The following SSBP1 variants were observed in gnomAD, a reference collection of about 807,000 sequenced individuals.
The protein encoded by SSBP1 is single stranded DNA binding protein 1, also known as single-stranded DNA-binding protein, mitochondrial.
SSBP1 carries 20 observed loss-of-function variants against 27.0 expected under a neutral mutation model. The ratio of observed to expected loss-of-function variants is 0.74; its 90% CI spans 0.52 to 1.08. SSBP1 has a LOEUF of 1.08. Ranked by LOEUF, SSBP1 falls within the 50% of genes least tolerant of loss-of-function variation. The pLI is 0.00. For missense variants in SSBP1, 137 were observed against 182.4 expected, an observed-to-expected ratio of 0.75 and a Z score of 1.44; for synonymous variants, 59 against 59.3, an observed-to-expected ratio of 1.00 and a Z score of 0.02.
intron 3 of SSBP1, among the ~76,000 whole-genome samples, chr7:141,743,271 G>A (rs1366918391): frequency 3.9e-5 from 6 of 152,192 alleles, no homozygotes; most frequent in African/African-American, 9.7e-5. Flanking sequence ...TCCAAGATTC[G>A]TGTGCCAGTA....
rs192579092 is a variant in SSBP1 at position 141,745,687 on chromosome 7, T to C, written c.403+103T>C. 215 of 1,510,358 alleles carry C rather than the reference T, an allele frequency of 1.4e-4. 1 individual carries two copies. In the South Asian group the frequency reaches 2.5e-3, roughly 17 times the overall value. The allele number at this position is 1,510,358 out of a possible 1,614,324, so 93.6% of individuals were successfully genotyped here. The stretch of plus-strand genomic sequence containing the variant: ...CTAGGGTTAAGAGTACCAGTACTTA[T>C]GAGTTAAGGCAACTCACTAGAAGAT... On this transcript the variant is annotated intron_variant, in intron 6 of 6. Coordinates refer to ENST00000265304, the MANE Select transcript of SSBP1 (RefSeq NM_003143.3).
intron 2 of SSBP1, chr7:141,741,113 C>T (rs1354645547): frequency 6.6e-6 from 1 of 152,200 alleles, no homozygotes; most frequent in Non-Finnish European, 1.5e-5. Flanking sequence ...GCACTGATAA[C>T]TGGTTTCATG....
chr7:141,743,509 A>C, intron 3 of SSBP1, 52 bp from the exon 4 acceptor site: 1 of 1,593,930 alleles, frequency 6.3e-7, no homozygotes, highest in South Asian at 1.1e-5. Context: ...AAGGGGCACA[A>C]CTATTCAGTC....
chr7:141,746,796 C>T, intron 6 of SSBP1, among the ~76,000 whole-genome samples: 1 of 152,154 alleles, frequency 6.6e-6, no homozygotes, highest in Non-Finnish European at 1.5e-5. Flanking sequence ...CTCTGGATGT[C>T]TGCAAGCGAC....
intron 3 of SSBP1, among the ~76,000 whole-genome samples, chr7:141,742,514 TG>T (rs1281595030): frequency 6.6e-6 from 1 of 152,222 alleles, no homozygotes; most frequent in Non-Finnish European, 1.5e-5. Context: ...CGGGTTATGT[TG>T]TATTAGGCTG....
At chr7:141,746,992 TTAA>T (rs1799814010) in intron 6 of SSBP1, among the ~76,000 whole-genome samples, 1 of 152,188 alleles carries the variant, frequency 6.6e-6, no homozygotes, top group Admixed American at 6.5e-5. Context: ...GAAGTGTATC[TTAA>T]TAGTATATGG....
At chr7:141,747,737 G>A (rs1337809713) in intron 6 of SSBP1, among the ~76,000 whole-genome samples, 2 of 151,016 alleles carry the variant, frequency 1.3e-5, no homozygotes, top group South Asian at 2.1e-4. Flanking sequence ...AGTGGCTCAC[G>A]CCTGTAATCC....
chr7:141,739,072 A>G (rs966851509), intron 1 of SSBP1, 52 bp from the exon 2 acceptor site: 13 of 1,094,776 alleles, frequency 1.2e-5, no homozygotes, highest in Non-Finnish European at 1.7e-5. Flanking sequence ...GGTGAGTTGT[A>G]CTTTTGCCAT....
chr7:141,747,383 A>ATTTTTTTTT (rs1320451586), intron 6 of SSBP1, among the ~76,000 whole-genome samples: 1 of 94,466 alleles, frequency 1.1e-5, no homozygotes, highest in Non-Finnish European at 2.0e-5. Flanking sequence ...CCCAAATTAG[A>ATTTTTTTTT]TTTTTTTTTT....
chr7:141,743,873 G>C (rs372289521), intron 4 of SSBP1, 29 bp from the exon 5 acceptor site: 1 of 1,596,144 alleles, frequency 6.3e-7, no homozygotes, highest in Non-Finnish European at 8.5e-7. Context: ...GTTGGCATTT[G>C]TAACCAATTT....
chr7:141,745,418 ACT>A, intron 5 of SSBP1, 76 bp from the exon 6 acceptor site: 1 of 1,225,306 alleles, frequency 8.2e-7, no homozygotes, highest in Non-Finnish European at 1.1e-6. Flanking sequence ...CTTGTCATAT[ACT>A]CAGTACCACC....
chr7:141,741,430 C>A (rs975598154), intron 2 of SSBP1: 9 of 152,212 alleles, frequency 5.9e-5, no homozygotes, highest in African/African-American at 2.2e-4. Context: ...TGGGGACTCT[C>A]CTCTAACTGG....
chr7:141,748,139 C>T (rs1462326193), intron 6 of SSBP1, among the ~76,000 whole-genome samples: 7 of 151,802 alleles, frequency 4.6e-5, no homozygotes, highest in Non-Finnish European at 1.0e-4. Flanking sequence ...ATGCCTCCAG[C>T]GACTTGACCT....
chr7:141,745,623 T>C, intron 6 of SSBP1, 39 bp downstream of exon 6: 1 of 1,611,060 alleles, frequency 6.2e-7, no homozygotes, highest in Non-Finnish European at 8.5e-7. Context: ...TTTCTTTTTC[T>C]CCTTTTCTTT....
chr7:141,749,091 G>GA (rs984856097), intron 6 of SSBP1, among the ~76,000 whole-genome samples: 1 of 151,696 alleles, frequency 6.6e-6, no homozygotes, highest in African/African-American at 2.4e-5. Flanking sequence ...GAATATATGT[G>GA]AAAAAAAGAA....
At chr7:141,743,473 G>A (rs963001711) in intron 3 of SSBP1, 88 bp from the exon 4 acceptor site, 1 of 1,484,064 alleles carries the variant, frequency 6.7e-7, no homozygotes, top group Non-Finnish European at 9.2e-7. Context: ...TTGAGGGTTA[G>A]AGCTTCAACA....
intron 6 of SSBP1, among the ~76,000 whole-genome samples, chr7:141,747,833 A>G (rs1262627289): frequency 1.3e-5 from 2 of 151,384 alleles, no homozygotes; most frequent in African/African-American, 2.4e-5. Context: ...CCCTGTCTCT[A>G]CACAAAATGC....
intron 1 of SSBP1, 35 bp downstream of exon 1, chr7:141,738,445 T>G (rs1280331940): frequency 2.0e-5 from 3 of 152,914 alleles, no homozygotes; most frequent in Non-Finnish European, 2.9e-5. Flanking sequence ...GCGAAGGAAG[T>G]GCTGGAGTCG....
At chr7:141,742,051 C>T in intron 2 of SSBP1, 118 bp from the exon 3 acceptor site, 1 of 764,648 alleles carries the variant, frequency 1.3e-6, no homozygotes, top group Non-Finnish European at 2.1e-6. Flanking sequence ...AGCTTCTCTT[C>T]TCTTCTGGAA....
Sources: allele counts gnomAD v4.1 joint callset (sites outside exome capture counted in the v4.1 genomes callset), GRCh38; gene constraint gnomAD v4.1.1; transcripts MANE v1.5; gene names NCBI Gene and HGNC (gene_info 2026-07-23, HGNC 2026-07-21).